The following PINX1 variants were observed in gnomAD, a reference collection of about 807,000 sequenced individuals.
The protein encoded by PINX1 is PIN2 (TERF1) interacting telomerase inhibitor 1.
Under a neutral mutation model 25.4 loss-of-function variants are expected in PINX1, and 34 were observed. The ratio of observed to expected loss-of-function variants is 1.34; its 90% confidence interval spans 1.02 to 1.78. PINX1 has a LOEUF of 1.78. PINX1 is among the 40% of genes most tolerant of loss of function. The pLI, the probability that PINX1 is intolerant of heterozygous loss-of-function variation, is 0.00. For missense variants in PINX1, 592 were observed against 404.9 expected (o/e 1.46, Z -3.97); for synonymous variants, 197 against 147.7 (o/e 1.33, Z -2.42).
intron 6 of PINX1, among the ~76,000 whole-genome samples, chr8:10,807,327 A>ATC (rs1402627462): frequency 6.5e-4 from 21 of 32,086 alleles, no homozygotes; most frequent in African/African-American, 2.1e-3. Flanking sequence ...TCCCCCCCCC[A>ATC]CCCCCCCCCC....
At chr8:10,786,476 T>C (rs1264190069) in intron 6 of PINX1, among the ~76,000 whole-genome samples, 4 of 152,050 alleles carry the variant, frequency 2.6e-5, no homozygotes, top group Non-Finnish European at 5.9e-5. Context: ...ACTATAACCC[T>C]GAGAAAGAAA....
At position 10,765,959 on chromosome 8, in the gene PINX1, G is replaced by A. The variant is rs1801029221; in HGVS notation, c.472-43C>T. The A allele has an allele frequency of 3.1e-6, 5 of 1,589,880 alleles. No homozygotes were observed. In the African/African-American group the frequency reaches 6.7e-5, roughly 21 times the overall value. Reference sequence around the variant, plus strand: ...GTTAAAAGGCAGGTAAGCATCAACTGTTCATCCCTCACCGCACCCAGGAGG... The same window carrying A: ...GTTAAAAGGCAGGTAAGCATCAACTATTCATCCCTCACCGCACCCAGGAGG... On this transcript the variant is annotated intron_variant, in intron 6 of 6. Transcript: ENST00000314787.
At chr8:10,831,818 A>G (rs1236662426) in intron 3 of PINX1, 75 bp from the exon 4 acceptor site, 59 of 809,470 alleles carry the variant, frequency 7.3e-5, no homozygotes, top group Admixed American at 2.1e-5. Flanking sequence ...ACATTTTGGA[A>G]TCAAGGAAAT....
At chr8:10,796,601 G>C (rs1177216695) in intron 6 of PINX1, among the ~76,000 whole-genome samples, 3 of 152,034 alleles carry the variant, frequency 2.0e-5, no homozygotes, top group Admixed American at 2.0e-4. Flanking sequence ...TTAAAATATG[G>C]GAAGTCCTAG....
At chr8:10,789,111 GAGCAGGCATCT>G (rs1563210954) in intron 6 of PINX1, among the ~76,000 whole-genome samples, 4 of 152,180 alleles carry the variant, frequency 2.6e-5, no homozygotes, top group Non-Finnish European at 5.9e-5. Flanking sequence ...CTCACGGGAT[GAGCAGGCATCT>G]CATAGGCAGA....
Position 10,831,677 on chromosome 8 carries a change from G to C in PINX1, c.289C>G (p.Gln97Glu). 1 of 1,598,398 alleles carries C rather than the reference G, an allele frequency of 6.3e-7. No homozygotes were observed. The highest frequency in any genetic ancestry group is 8.6e-7 in the Non-Finnish European group (1 of 1,169,054). Residue 97 changes from glutamine (Q) to glutamate (E), a missense_variant, in exon 4 of 7, where the codon CAG becomes GAG. By Grantham distance (29) the Gln-to-Glu change is conservative. Coordinates refer to ENST00000314787, the MANE Select transcript of PINX1 (RefSeq NM_017884.6). ...LLAELNTCHG[Q>E]ETTDSSDKKE... is the part of the protein sequence containing the mutation. ...CTGATTTCCCTACCTGTGGTTTCCT[G>C]CCCATGGCAAGTGTTCAGTTCGGCC...
At chr8:10,798,291 C>A (rs1586165532) in intron 6 of PINX1, among the ~76,000 whole-genome samples, 1 of 152,344 alleles carries the variant, frequency 6.6e-6, no homozygotes, top group East Asian at 1.9e-4. Context: ...ATAATGAGAG[C>A]AGCACAGGCT....
chr8:10,837,900 T>A (rs998149374), intron 1 of PINX1, among the ~76,000 whole-genome samples: 2 of 152,228 alleles, frequency 1.3e-5, no homozygotes, highest in Non-Finnish European at 2.9e-5. Flanking sequence ...AGTCCTTACA[T>A]AAGGAACTGC....
intron 6 of PINX1, among the ~76,000 whole-genome samples, chr8:10,813,227 T>A (rs1333939047): frequency 6.6e-6 from 1 of 151,772 alleles, no homozygotes; most frequent in South Asian, 2.1e-4. Context: ...AGATGTGGAG[T>A]GGGGGGAGGG....
At chr8:10,770,434 G>A (rs903138520) in intron 6 of PINX1, among the ~76,000 whole-genome samples, 12 of 152,114 alleles carry the variant, frequency 7.9e-5, no homozygotes, top group Admixed American at 4.6e-4. Context: ...AGTCCTCTCC[G>A]GTCCCTGAAA....
intron 6 of PINX1, among the ~76,000 whole-genome samples, chr8:10,808,875 A>C (rs998039914): frequency 6.6e-6 from 1 of 152,238 alleles, no homozygotes; most frequent in African/African-American, 2.4e-5. Context: ...CACAGCCTAA[A>C]AAGCAAGAGC....
chr8:10,765,200 A>G lies in PINX1; in HGVS notation c.*201T>C. The G allele has an allele frequency of 1.8e-6, 1 of 554,524 alleles. No homozygotes were observed. The highest frequency in any genetic ancestry group is 3.1e-6 in the Non-Finnish European group (1 of 318,246). 34.4% of individuals were successfully genotyped at this position (554,524 alleles called of 1,614,324 possible). A position where few individuals can be genotyped will look rare whatever the true frequency, so the allele number is the denominator to read the frequency against. ...AATTTATTTGTGTCTGAGAGCCACGATTGAGAACATTAAAAAGGTCCTCCT... is the reference window on the plus strand; with the variant it reads ...AATTTATTTGTGTCTGAGAGCCACGGTTGAGAACATTAAAAAGGTCCTCCT... On this transcript the variant is annotated 3_prime_UTR_variant, in exon 7 of 7. Transcript: ENST00000314787.
intron 6 of PINX1, among the ~76,000 whole-genome samples, chr8:10,802,647 G>A (rs1037730939): frequency 2.0e-5 from 3 of 152,140 alleles, no homozygotes; most frequent in Non-Finnish European, 2.9e-5. Context: ...TACACAGAGG[G>A]CAGGGGCCCG....
In PINX1 at chr8:10,776,368, T is replaced by C. The variant is rs1171566269; in HGVS notation, c.472-10452A>G. On this transcript the variant is annotated intron_variant, in intron 6 of 6. Coordinates refer to ENST00000314787, the MANE Select transcript of PINX1 (RefSeq NM_017884.6). ...TGAACCTGAGAAGCGGAGGTTGCAG[T>C]GAGCCGAAGTCGTGCCACTGCACTC... is the stretch of plus-strand genomic sequence containing the variant. 2.6e-5 allele frequency among the ~76,000 whole-genome samples: 4 copies of C among 152,034 alleles called. No individual in the cohort carries two copies. In the South Asian group the frequency reaches 8.3e-4, roughly 32 times the overall value.
At chr8:10,774,198 A>AT (rs746947606) in intron 6 of PINX1, among the ~76,000 whole-genome samples, 1 of 152,156 alleles carries the variant, frequency 6.6e-6, no homozygotes, top group Non-Finnish European at 1.5e-5. Flanking sequence ...GACAACTCAA[A>AT]TGTAGGCTCC....
At chr8:10,791,940 C>T (rs1270010413) in intron 6 of PINX1, among the ~76,000 whole-genome samples, 1 of 152,152 alleles carries the variant, frequency 6.6e-6, no homozygotes, top group Non-Finnish European at 1.5e-5. Flanking sequence ...ACAACATGCC[C>T]CATCTCAGTC....
chr8:10,787,946 G>C (rs1244985313), intron 6 of PINX1: 1 of 375,362 alleles, frequency 2.7e-6, no homozygotes, highest in Non-Finnish European at 5.2e-6. Flanking sequence ...AAAGTAAAAA[G>C]TTATTAGACA....
rs548289798 is a variant in PINX1, at chr8:10,835,363, C to G, written c.20-588G>C. On this transcript the variant is annotated intron_variant, in intron 1 of 6. Transcript: ENST00000314787. ...GAGAAAGAAATTTGCCGAACATCCC[C>G]AAGCAAAAACCAGATCCTTTAAACC... 3.9e-5 allele frequency among the ~76,000 whole-genome samples: 6 copies of G among 152,296 alleles called. No homozygotes were observed. In the East Asian group the frequency reaches 1.2e-3, roughly 29 times the overall value.
At position 10,777,667 on chromosome 8, in the gene PINX1, C is replaced by CT. The variant is rs1213222454; in HGVS notation, c.472-11752dup. ...AATGGTTTGGTCCCCCCAAAATTGC[C>CT]TTTTTTTTAAAAAACACATGGATTT... On this transcript the variant is annotated intron_variant, in intron 6 of 6. Transcript: ENST00000314787. Among the ~76,000 whole-genome samples the CT allele has an allele frequency of 1.9e-4, 29 of 152,116 alleles. No individual in the cohort carries two copies. In the East Asian group the frequency reaches 3.5e-3, roughly 18 times the overall value.
Sources: allele counts gnomAD v4.1 joint callset (sites outside exome capture counted in the v4.1 genomes callset), GRCh38; gene constraint gnomAD v4.1.1; transcripts MANE v1.5; gene names NCBI Gene and HGNC (gene_info 2026-07-23, HGNC 2026-07-21).